The following PCDH15 variants were observed in gnomAD, a reference collection of about 807,000 sequenced individuals.
PCDH15 encodes the protein protocadherin-15.
A neutral mutation model predicts 178.5 loss-of-function variants in PCDH15; 129 were observed. The observed-to-expected ratio is 0.72, with a 90% CI of 0.63 to 0.84. PCDH15 has a LOEUF of 0.84. Ranked by LOEUF, PCDH15 falls within the 40% of genes least tolerant of loss-of-function variation. The probability of loss-of-function intolerance (pLI) is 0.00; values close to 1 mark genes in which losing one functional copy is unlikely to be tolerated. For missense variants in PCDH15, 2,230 were observed against 2,099.9 expected (o/e 1.06, Z -1.21); for synonymous variants, 800 against 732.0 (o/e 1.09, Z -1.50).
intron 26 of PCDH15, among the ~76,000 whole-genome samples, chr10:53,868,427 T>C (rs1021290597): frequency 6.6e-6 from 1 of 152,046 alleles, no homozygotes; most frequent in Non-Finnish European, 1.5e-5. Flanking sequence ...TTTACTTATA[T>C]AAATTAGTGA....
intron 25 of PCDH15, among the ~76,000 whole-genome samples, chr10:53,918,203 A>G (rs2083689377): frequency 2.0e-5 from 3 of 152,184 alleles, no homozygotes; most frequent in African/African-American, 7.2e-5. Context: ...GAGTTTCTCT[A>G]CATTAGACAT....
intron 3 of PCDH15, among the ~76,000 whole-genome samples, chr10:54,840,511 A>C (rs921850737): frequency 4.0e-5 from 6 of 151,866 alleles, no homozygotes; most frequent in African/African-American, 1.4e-4. Flanking sequence ...TCACAAAGAC[A>C]GGAGGAGAAA....
chr10:54,376,199 T>A (rs890683769), intron 4 of PCDH15, among the ~76,000 whole-genome samples: 1 of 151,896 alleles, frequency 6.6e-6, no homozygotes, highest in Non-Finnish European at 1.5e-5. Flanking sequence ...CCAGCCCATA[T>A]TTTTTATTTT....
chr10:54,835,387 T>C (rs1953298602), intron 3 of PCDH15, among the ~76,000 whole-genome samples: 1 of 152,080 alleles, frequency 6.6e-6, no homozygotes, highest in Non-Finnish European at 1.5e-5. Context: ...ACATAAAAAT[T>C]ATTTCTCTCT....
chr10:54,309,639 T>G (rs746970045), intron 8 of PCDH15, among the ~76,000 whole-genome samples: 5 of 151,436 alleles, frequency 3.3e-5, no homozygotes, highest in Non-Finnish European at 5.9e-5. Flanking sequence ...ACTGAAAAAA[T>G]ACAAAAATTA....
At chr10:54,478,473 T>C (rs1312672675) in intron 3 of PCDH15, among the ~76,000 whole-genome samples, 3 of 152,100 alleles carry the variant, frequency 2.0e-5, no homozygotes, top group Non-Finnish European at 4.4e-5. Flanking sequence ...TTACTATGTA[T>C]TGCCAAGTTT....
intron 14 of PCDH15, among the ~76,000 whole-genome samples, chr10:54,143,121 G>A (rs1027281961): frequency 7.9e-5 from 12 of 152,038 alleles, no homozygotes; most frequent in Admixed American, 3.9e-4. Flanking sequence ...GGCTTATTAG[G>A]CTTAGTTGTT....
intron 3 of PCDH15, among the ~76,000 whole-genome samples, chr10:54,445,110 C>A (rs138931944): frequency 6.6e-6 from 1 of 151,186 alleles, no homozygotes; most frequent in African/African-American, 2.4e-5. Context: ...AGGATTCTCA[C>A]CCCAGTGTTC....
intron 9 of PCDH15, among the ~76,000 whole-genome samples, chr10:54,234,322 C>T (rs997137338): frequency 6.6e-6 from 1 of 152,076 alleles, no homozygotes; most frequent in African/African-American, 2.4e-5. Context: ...GCATTATGTA[C>T]ATTTACAATG....
chr10:55,161,952 T>G (rs1364618937), intron 2 of PCDH15, among the ~76,000 whole-genome samples: 1 of 152,166 alleles, frequency 6.6e-6, no homozygotes, highest in Non-Finnish European at 1.5e-5. Flanking sequence ...AGAAAACTGT[T>G]GTGGCCCATG....
chr10:54,851,271 A>C (rs1029633290), intron 3 of PCDH15, among the ~76,000 whole-genome samples: 1 of 152,146 alleles, frequency 6.6e-6, no homozygotes, highest in Non-Finnish European at 1.5e-5. Context: ...AAAATTAAAA[A>C]AGGAAGTTTT....
At chr10:54,227,766 C>T (rs1450095931) in intron 9 of PCDH15, among the ~76,000 whole-genome samples, 2 of 152,170 alleles carry the variant, frequency 1.3e-5, no homozygotes, top group African/African-American at 4.8e-5. Context: ...AATGCTTTTG[C>T]TACTTAGAAA....
chr10:54,186,374 C>A (rs2133828014), intron 11 of PCDH15, among the ~76,000 whole-genome samples: 1 of 151,988 alleles, frequency 6.6e-6, no homozygotes, highest in South Asian at 2.1e-4. Flanking sequence ...CTCATAATTT[C>A]AAAATTTCTA....
At chr10:55,223,086 G>A (rs1439299351) in intron 1 of PCDH15, among the ~76,000 whole-genome samples, 4 of 151,962 alleles carry the variant, frequency 2.6e-5, no homozygotes, top group African/African-American at 7.3e-5. Flanking sequence ...TTATTCAATG[G>A]CCCCATCAGG....
At chr10:54,935,132 A>G (rs553631740) in intron 2 of PCDH15, among the ~76,000 whole-genome samples, 43 of 151,982 alleles carry the variant, frequency 2.8e-4, no homozygotes, top group South Asian at 1.2e-3. Context: ...CTAATGCTAA[A>G]TGAGGAGTTA....
At chr10:53,888,310 G>GTACGTATATATATGTACGTA (rs1212124719) in intron 26 of PCDH15, among the ~76,000 whole-genome samples, 13 of 28,704 alleles carry the variant, frequency 4.5e-4, no homozygotes, top group South Asian at 1.9e-3. Flanking sequence ...ATATATATAT[G>GTACGTATATATATGTACGTA]TATATATGTA....
intron 21 of PCDH15, among the ~76,000 whole-genome samples, chr10:53,984,439 C>T (rs908992296): frequency 2.0e-4 from 31 of 152,048 alleles, no homozygotes; most frequent in African/African-American, 7.0e-4. Flanking sequence ...CGTGAGCCAC[C>T]GTGCCTGGCC....
At chr10:53,912,366 C>A (rs545071487) in intron 25 of PCDH15, among the ~76,000 whole-genome samples, 1 of 152,150 alleles carries the variant, frequency 6.6e-6, no homozygotes, top group East Asian at 1.9e-4. Flanking sequence ...TGGAAGCATT[C>A]CCTTTGAAAA....
chr10:55,357,007 T>C (rs1446314992), intron 2 of PCDH15, among the ~76,000 whole-genome samples: 1 of 151,938 alleles, frequency 6.6e-6, no homozygotes, highest in African/African-American at 2.4e-5. Context: ...TAGTGCCCTG[T>C]AACACCAATA....
Sources: allele counts gnomAD v4.1 joint callset (sites outside exome capture counted in the v4.1 genomes callset), GRCh38; gene constraint gnomAD v4.1.1; transcripts MANE v1.5; gene names NCBI Gene and HGNC (gene_info 2026-07-23, HGNC 2026-07-21).